The following PYY variants were observed in gnomAD, a reference collection of about 807,000 sequenced individuals.
The protein encoded by PYY is peptide tyrosine tyrosine.
A neutral mutation model predicts 10.3 loss-of-function variants in PYY; 12 were observed. That is an observed-to-expected ratio of 1.17 (90% CI 0.75 to 1.89). PYY has a LOEUF of 1.89. Ranked by LOEUF, PYY falls within the 40% of genes most tolerant of loss-of-function variation. PYY has a pLI of 0.00. For missense variants in PYY, 141 were observed against 134.0 expected (o/e 1.05, Z -0.26); for synonymous variants, 66 against 62.0 (o/e 1.06, Z -0.30).
intron 2 of PYY, among the ~76,000 whole-genome samples, chr17:43,961,695 C>T (rs140210499): frequency 2.6e-5 from 4 of 152,252 alleles, no homozygotes; most frequent in South Asian, 2.1e-4. Flanking sequence ...AGTGCGCCAC[C>T]ACACCCGGCT....
Position 43,985,187 on chromosome 17 carries a change from C to T in PYY, c.-462-18655G>A, listed in dbSNP as rs573102790. 2.6e-5 allele frequency among the ~76,000 whole-genome samples: 4 copies of T among 152,186 alleles called. No homozygotes were observed. The South Asian group carries it at 8.3e-4, about 32-fold the overall frequency. On this transcript the variant is annotated intron_variant, in intron 1 of 6. Coordinates refer to the PYY transcript ENST00000360085. ...AAGTAATGAGAAAATGACAGAGACT[C>T]CCACTTGTTTTCATTTTTTATTTTT...
chr17:43,993,692 A>T (rs2048972658), intron 1 of PYY, among the ~76,000 whole-genome samples: 1 of 152,142 alleles, frequency 6.6e-6, no homozygotes, highest in African/African-American at 2.4e-5. Flanking sequence ...TATATACACA[A>T]TAATACAGCC....
At chr17:43,995,677 T>C (rs1555619672) in intron 1 of PYY, among the ~76,000 whole-genome samples, 1 of 150,262 alleles carries the variant, frequency 6.7e-6, no homozygotes, top group Non-Finnish European at 1.5e-5. Context: ...CTACTAAAAA[T>C]ACAAAAATTA....
chr17:43,992,812 A>T (rs1158793795), intron 1 of PYY, among the ~76,000 whole-genome samples: 1 of 152,126 alleles, frequency 6.6e-6, no homozygotes, highest in East Asian at 1.9e-4. Context: ...CTTGATGGCC[A>T]TGTGACCACA....
At chr17:43,963,440 G>A (rs962716431) in intron 2 of PYY, among the ~76,000 whole-genome samples, 10 of 150,418 alleles carry the variant, frequency 6.6e-5, no homozygotes, top group Admixed American at 6.0e-4. Context: ...CCCAGGAGGC[G>A]GAGGTTACAG....
At chr17:44,003,610 G>A (rs1480751279) in intron 1 of PYY, among the ~76,000 whole-genome samples, 9 of 137,354 alleles carry the variant, frequency 6.6e-5, no homozygotes, top group African/African-American at 1.4e-4. Flanking sequence ...AGCCGAGATC[G>A]CAACACTGCA....
At chr17:43,983,876 G>A (rs528965305) in intron 1 of PYY, among the ~76,000 whole-genome samples, 1 of 152,232 alleles carries the variant, frequency 6.6e-6, no homozygotes, top group Non-Finnish European at 1.5e-5. Context: ...CAGGGGCCGC[G>A]TGTCCGGTGC....
chr17:44,002,248 C>T (rs781707747), intron 1 of PYY, among the ~76,000 whole-genome samples: 6 of 152,152 alleles, frequency 3.9e-5, no homozygotes, highest in Non-Finnish European at 5.9e-5. Flanking sequence ...ATCCCAGAAA[C>T]GGGTAAGCGC....
chr17:43,991,072 C>T (rs1038230233), intron 1 of PYY, among the ~76,000 whole-genome samples: 2 of 151,818 alleles, frequency 1.3e-5, no homozygotes, highest in Non-Finnish European at 2.9e-5. Flanking sequence ...CGTGAGCCAC[C>T]GCGCCCGGCC....
upstream of PYY, chr17:43,958,135 C>CAAAAACAAAAAAAAAAAAAA: frequency 2.1e-5 from 1 of 47,276 alleles, no homozygotes; most frequent in Non-Finnish European, 3.7e-5. Flanking sequence ...CTGAATACAC[C>CAAAAACAAAAAAAAAAAAAA]AAAAAAAAAA....
At position 43,987,574 on chromosome 17, in the gene PYY, C is replaced by A. The variant is rs2048923573; in HGVS notation, c.-463+16817G>T. 6.6e-6 allele frequency among the ~76,000 whole-genome samples: 1 copy of A among 152,250 alleles called. No homozygotes were observed. The highest frequency in any genetic ancestry group is 2.4e-5 in the African/African-American group (1 of 41,464). ...AGCAATCTGTCTCCAGGTCTTGGAG[C>A]AGACAGCTCAGAATGACCACTCTTC... On this transcript the variant is annotated intron_variant, in intron 1 of 6. Transcript: ENST00000360085. The surrounding 1 kb of genome is among the most constrained non-coding windows in gnomAD (Gnocchi z 4.0).
chr17:43,998,937 AG>A (rs1321200902), intron 1 of PYY, among the ~76,000 whole-genome samples: 5 of 152,200 alleles, frequency 3.3e-5, no homozygotes, highest in Non-Finnish European at 7.3e-5. Context: ...TCTGCAGTTC[AG>A]AAGAATGGTC....
chr17:43,963,507 CAAAA>C (rs56079292), intron 2 of PYY, among the ~76,000 whole-genome samples: 1 of 76,924 alleles, frequency 1.3e-5, no homozygotes, highest in African/African-American at 6.4e-5. Context: ...AACTCCATCT[CAAAA>C]AAAAAAAAAA....
In PYY at chr17:43,952,917, G is replaced by A; in HGVS notation, c.*39C>T. 6.5e-7 allele frequency: 1 copy of A among 1,529,560 alleles called. No individual in the cohort carries two copies. The highest frequency in any genetic ancestry group is 1.4e-5 in the African/African-American group (1 of 70,994). 94.7% of individuals were successfully genotyped at this position (1,529,560 alleles called of 1,614,324 possible). ...CGGGAGTGCGTATGCAAATGACGTG[G>A]GCGTGGTTGGCAGATCTCCCAGGAG... On this transcript the variant is annotated 3_prime_UTR_variant, in exon 4 of 4. Transcript: ENST00000692052.
Position 43,963,626 on chromosome 17 carries a change from G to GAAAGAAAGAAAGAAAGAA in PYY, c.-218+2661_-218+2662insTTCTTTCTTTCTTTCTTT, listed in dbSNP as rs3080254. Among the ~76,000 whole-genome samples, 377 of 82,100 alleles carry GAAAGAAAGAAAGAAAGAA rather than the reference G, an allele frequency of 4.6e-3. 11 individuals carry two copies. Among genetic ancestry groups the GAAAGAAAGAAAGAAAGAA allele is most frequent in the East Asian group, 0.01 (26 of 2,494 alleles). The allele number at this position is 82,100 out of a possible 152,430, so 53.9% of individuals were successfully genotyped here. On this transcript the variant is annotated intron_variant, in intron 2 of 6. Transcript: ENST00000360085. Reference sequence around the variant, plus strand: ...AGAAAGAAAGAAAGAAAGAAAGAAAGAGAAAGAAAGAAAAGAGAGAACAGA... The same window carrying GAAAGAAAGAAAGAAAGAA: ...AGAAAGAAAGAAAGAAAGAAAGAAAGAAAGAAAGAAAGAAAGAAAGAAAGAAAGAAAAGAGAGAACAGA...
chr17:43,963,578 G>GAAAGAAAGAAAGAA (rs1555617090), intron 2 of PYY, among the ~76,000 whole-genome samples: 1 of 68,832 alleles, frequency 1.5e-5, no homozygotes, highest in African/African-American at 5.0e-5. Context: ...GGAAAAGAAA[G>GAAAGAAAGAAAGAA]AAAGAAAGAA....
rs537325264 is a variant in PYY, at chr17:43,983,175, T to C, written c.-462-16643A>G. 2.3e-3 allele frequency among the ~76,000 whole-genome samples: 345 copies of C among 152,228 alleles called. 1 individual carries two copies. The highest frequency in any genetic ancestry group is 7.7e-3 in the African/African-American group (321 of 41,534). Reference sequence around the variant, plus strand: ...TGAACCCAGGAGGCAGAGGTTGCAGTGGGCCAAGGTCACGCCATTGCACTC... The same window carrying C: ...TGAACCCAGGAGGCAGAGGTTGCAGCGGGCCAAGGTCACGCCATTGCACTC... On this transcript the variant is annotated intron_variant, in intron 1 of 6. Coordinates refer to the PYY transcript ENST00000360085.
chr17:43,965,066 A>C (rs1445309554), intron 2 of PYY, among the ~76,000 whole-genome samples: 1 of 152,254 alleles, frequency 6.6e-6, no homozygotes, highest in East Asian at 1.9e-4. Flanking sequence ...AAAGGGCTAG[A>C]AACAATGTTG....
chr17:43,963,573 A>G (rs1227682020), intron 2 of PYY, among the ~76,000 whole-genome samples: 25 of 55,422 alleles, frequency 4.5e-4, no homozygotes, highest in Non-Finnish European at 7.1e-4. Flanking sequence ...AGGAAGGAAA[A>G]GAAAGAAAGA....
Sources: gnomAD v4.1 joint callset for allele counts (sites outside exome capture counted in the v4.1 genomes callset) on GRCh38, gnomAD v4.1.1 for gene constraint, Gnocchi (gnomAD v3.1) non-coding constraint, MANE v1.5 for transcripts, NCBI Gene and HGNC (gene_info 2026-07-23, HGNC 2026-07-21) for gene names.